AP3S2: variants seen among roughly 807,000 people sequenced by gnomAD.
AP3S2 encodes adaptor related protein complex 3 subunit sigma 2.
In AP3S2, 22 loss-of-function variants were observed where a neutral mutation model predicts 23.4. The observed-to-expected ratio is 0.94, with a 90% CI of 0.67 to 1.34. The LOEUF (loss-of-function observed/expected upper bound fraction) is 1.34. Among genes scored for constraint, AP3S2 ranks in the 40% most tolerant of loss-of-function variants. AP3S2 has a pLI of 0.00. For synonymous variants in AP3S2, 86 were observed against 87.1 expected, an observed-to-expected ratio of 0.99 and a Z score of 0.07; for missense variants, 241 against 236.9, an observed-to-expected ratio of 1.02 and a Z score of -0.11.
chr15:89,881,059 T>C (rs80110189), intron 3 of AP3S2, among the ~76,000 whole-genome samples: 1 of 152,148 alleles, frequency 6.6e-6, no homozygotes, highest in Non-Finnish European at 1.5e-5. Flanking sequence ...GAGACATAAA[T>C]GGTAAAAGTC....
chr15:89,837,250 A>G (rs1219296958), intron 5 of AP3S2, among the ~76,000 whole-genome samples: 1 of 152,132 alleles, frequency 6.6e-6, no homozygotes, highest in Non-Finnish European at 1.5e-5. Flanking sequence ...AAACTAGGAA[A>G]CCACACTGGA....
intron 1 of AP3S2, 83 bp downstream of exon 1, chr15:89,893,798 G>T: frequency 7.2e-7 from 1 of 1,382,830 alleles, no homozygotes; most frequent in African/African-American, 1.4e-5. Context: ...AAAGAGCGGT[G>T]CCCCCGGGCG....
chr15:89,893,575 C>T (rs1389195777), intron 1 of AP3S2: 2 of 422,968 alleles, frequency 4.7e-6, no homozygotes, highest in Non-Finnish European at 8.4e-6. Context: ...CTCAAGTTCT[C>T]ATCGAGGCAC....
Position 89,844,209 on chromosome 15 carries a change from CTCTTTCTTTCTTTCTTTCTTTCTTTCTT to C in AP3S2, c.346-6515_346-6488del, listed in dbSNP as rs71151535. Among the ~76,000 whole-genome samples the C allele has an allele frequency of 1.3e-3, 165 of 129,212 alleles. 1 individual carries two copies. The highest frequency in any genetic ancestry group is 2.1e-3 in the Non-Finnish European group (120 of 56,626). 84.8% of individuals were successfully genotyped at this position (129,212 alleles called of 152,430 possible). A position where few individuals can be genotyped will look rare whatever the true frequency, so the allele number is the denominator to read the frequency against. On this transcript the variant is annotated intron_variant, in intron 4 of 5. Transcript: ENST00000336418. ...GCCAAAAAACCCTCTTTCTTTCTTT[CTCTTTCTTTCTTTCTTTCTTTCTTTCTT>C]TCTTTCTTTCTTTCTTTCTTTCTTT... is the stretch of plus-strand genomic sequence containing the variant.
chr15:89,836,220 G>A (rs1275972352), intron 5 of AP3S2, among the ~76,000 whole-genome samples: 1 of 152,130 alleles, frequency 6.6e-6, no homozygotes, highest in Non-Finnish European at 1.5e-5. Context: ...CCTCAGAGGC[G>A]GAGTGTGGCC....
intron 4 of AP3S2, among the ~76,000 whole-genome samples, chr15:89,857,939 T>C (rs1346550877): frequency 6.6e-5 from 10 of 152,144 alleles, no homozygotes; most frequent in Non-Finnish European, 1.2e-4. Context: ...CATGCCCAGG[T>C]AGAAGCATAT....
At chr15:89,840,880 A>G (rs1243495609) in intron 4 of AP3S2, among the ~76,000 whole-genome samples, 1 of 152,080 alleles carries the variant, frequency 6.6e-6, no homozygotes, top group Non-Finnish European at 1.5e-5. Flanking sequence ...AGAATCCCAA[A>G]CTATGTCTTC....
chr15:89,871,408 T>C lies in AP3S2; in HGVS notation c.345+67A>G, dbSNP rs1178600475. Reference sequence around the variant, plus strand: ...AACAATATGAAGATGTAGAGGTGGCTACAGATGCCCAAGGCTCTTGGTTTT... The same window carrying C: ...AACAATATGAAGATGTAGAGGTGGCCACAGATGCCCAAGGCTCTTGGTTTT... On this transcript the variant is annotated intron_variant, in intron 4 of 5. Transcript: ENST00000336418. The C allele has an allele frequency of 2.7e-6, 4 of 1,482,848 alleles. No homozygotes were observed. The East Asian group carries it at 6.9e-5, about 26-fold the overall frequency. The allele number at this position is 1,482,848 out of a possible 1,614,324, so 91.9% of individuals were successfully genotyped here.
At chr15:89,844,312 CTTCCTTCT>C (rs1895431351) in intron 4 of AP3S2, among the ~76,000 whole-genome samples, 1 of 122,654 alleles carries the variant, frequency 8.2e-6, no homozygotes, top group Non-Finnish European at 1.8e-5. Flanking sequence ...TCTTTCCTTC[CTTCCTTCT>C]TTCCTTCCTT....
intron 1 of AP3S2, chr15:89,893,519 A>G: frequency 2.5e-6 from 1 of 401,956 alleles, no homozygotes; most frequent in Non-Finnish European, 4.4e-6. Flanking sequence ...TTCCTCATGA[A>G]ACTGTGGTCA....
At chr15:89,862,982 A>G (rs1419285256) in intron 4 of AP3S2, among the ~76,000 whole-genome samples, 2 of 152,110 alleles carry the variant, frequency 1.3e-5, no homozygotes, top group Non-Finnish European at 2.9e-5. Context: ...TATGAGAGGG[A>G]GAAGAGAGAG....
chr15:89,852,075 C>A (rs980004903), intron 4 of AP3S2, among the ~76,000 whole-genome samples: 32 of 152,036 alleles, frequency 2.1e-4, no homozygotes, highest in African/African-American at 7.3e-4. Context: ...GGGAGCGGGT[C>A]CATAATCAGA....
intron 3 of AP3S2, among the ~76,000 whole-genome samples, chr15:89,883,472 T>C (rs547123736): frequency 1.3e-5 from 2 of 152,172 alleles, no homozygotes; most frequent in East Asian, 3.9e-4. Flanking sequence ...TATGGCTCAC[T>C]GAAACCTCAA....
At chr15:89,892,772 T>C (rs1417207345) in intron 1 of AP3S2, among the ~76,000 whole-genome samples, 2 of 152,236 alleles carry the variant, frequency 1.3e-5, no homozygotes. Context: ...CACGCCATTC[T>C]CCTGCCTCAG....
At chr15:89,878,721 G>A (rs1054817279) in intron 3 of AP3S2, among the ~76,000 whole-genome samples, 9 of 151,804 alleles carry the variant, frequency 5.9e-5, no homozygotes, top group African/African-American at 1.9e-4. Context: ...GCTACCACCC[G>A]AGGCTAATTT....
At chr15:89,856,748 C>G in intron 4 of AP3S2, among the ~76,000 whole-genome samples, 1 of 147,758 alleles carries the variant, frequency 6.8e-6, no homozygotes, top group South Asian at 2.1e-4. Context: ...TGGTGCGCAC[C>G]TGTAGTCCCA....
chr15:89,853,492 C>A (rs1178007775), intron 4 of AP3S2, among the ~76,000 whole-genome samples: 1 of 152,166 alleles, frequency 6.6e-6, no homozygotes, highest in Non-Finnish European at 1.5e-5. Context: ...ATAAATGGTA[C>A]CCAAAAAGTG....
rs774639100 is a variant in AP3S2, at chr15:89,835,621, G to A, written c.476C>T (p.Ala159Val). 17 of 1,612,772 alleles carry A rather than the reference G, an allele frequency of 1.1e-5. No individual in the cohort carries two copies. The highest frequency in any genetic ancestry group is 1.4e-5 in the Non-Finnish European group (16 of 1,179,842). The part of the protein sequence containing the change: ...KSEGGLSAAP[A>V]RAVSAVKNIN... ...GTTTTTCACAGCAGACACAGCCCGC[G>A]CAGGGGCTGCTGAAAGGCCACCCTA... The change falls in exon 6 of 6, where the codon GCG becomes GTG. Residue 159 changes from alanine to valine, a missense_variant. Transcript: ENST00000336418.
intron 4 of AP3S2, among the ~76,000 whole-genome samples, chr15:89,868,151 T>G (rs1896197124): frequency 2.9e-5 from 2 of 68,878 alleles, no homozygotes; most frequent in African/African-American, 5.0e-5. Flanking sequence ...AGCCGCCCCG[T>G]CCGGGAGGGA....
Sources: gnomAD v4.1 joint callset for allele counts (sites outside exome capture counted in the v4.1 genomes callset) on GRCh38, gnomAD v4.1.1 for gene constraint, MANE v1.5 for transcripts, NCBI Gene and HGNC (gene_info 2026-07-23, HGNC 2026-07-21) for gene names.